The following DISP1 variants were observed in gnomAD, a reference collection of about 807,000 sequenced individuals.
The protein encoded by DISP1 is protein dispatched homolog 1.
DISP1 carries 30 observed loss-of-function variants against 37.3 expected under a neutral mutation model. That is an observed-to-expected ratio of 0.80 (90% CI 0.60 to 1.09). DISP1 has a LOEUF of 1.09. Ranked by LOEUF, DISP1 falls within the 50% of genes least tolerant of loss-of-function variation. DISP1 has a pLI of 0.00. For synonymous variants in DISP1, 634 were observed against 690.2 expected, an observed-to-expected ratio of 0.92 and a Z score of 1.28; for missense variants, 1,598 against 1,879.5, an observed-to-expected ratio of 0.85 and a Z score of 2.77.
In DISP1 at chr1:223,002,540, G is replaced by A; in HGVS notation, c.1143G>A (p.Leu381=). Residue 381 remains leucine (L), a synonymous_variant, in exon 9 of 9, where the codon CTG becomes CTA. Transcript: ENST00000675850. ...GAGACGTTTCTCATACCTTGAAGCTGCTTCGGACTTGTGCCAAACACTACC... is the reference window on the plus strand; with the variant it reads ...GAGACGTTTCTCATACCTTGAAGCTACTTCGGACTTGTGCCAAACACTACC... ...VERDVSHTLK[L]LRTCAKHYQN... is the part of the protein sequence containing the mutation. 1 of 1,614,176 alleles carries A rather than the reference G, an allele frequency of 6.2e-7. No homozygotes were observed. The highest frequency in any genetic ancestry group is 1.1e-5 in the South Asian group (1 of 91,084).
At chr1:222,924,909 G>C (rs1672997028) in intron 1 of DISP1, among the ~76,000 whole-genome samples, 1 of 152,062 alleles carries the variant, frequency 6.6e-6, no homozygotes, top group South Asian at 2.1e-4. Flanking sequence ...GCAGGCTCTA[G>C]TCTCTTTTTC....
In DISP1 at chr1:223,005,431, C is replaced by T. The variant is rs1156949331; in HGVS notation, c.4034C>T (p.Ala1345Val). Residue 1345 changes from alanine to valine, a missense_variant, in exon 9 of 9, where the codon GCC becomes GTC. Coordinates refer to ENST00000675850, the MANE Select transcript of DISP1 (RefSeq NM_001377229.1). ...CPCLQGRVKP[A>V]GMQNSLPRNF... ...TGCCTGCAGGGCAGAGTAAAGCCAG[C>T]CGGAATGCAGAATTCTCTGCCTAGG... The T allele has an allele frequency of 2.5e-6, 4 of 1,613,416 alleles. No individual in the cohort carries two copies. In the Admixed American group the frequency reaches 6.7e-5, roughly 27 times the overall value.
intron 1 of DISP1, among the ~76,000 whole-genome samples, chr1:222,821,468 T>C (rs1171768089): frequency 1.3e-5 from 2 of 152,202 alleles, no homozygotes; most frequent in East Asian, 3.8e-4. Flanking sequence ...TCTCGAATTG[T>C]AATCCCCATG....
chr1:222,995,741 A>G (rs1220555338), intron 8 of DISP1, among the ~76,000 whole-genome samples: 1 of 152,236 alleles, frequency 6.6e-6, no homozygotes, highest in African/African-American at 2.4e-5. Context: ...AAGCATAGCA[A>G]CCAGCATAAA....
chr1:222,989,587 T>C (rs1208959552), intron 4 of DISP1: 2 of 982,942 alleles, frequency 2.0e-6, no homozygotes, highest in Admixed American at 6.2e-5. Context: ...GATTTGGTAA[T>C]AGAGACAGTT....
chr1:222,959,746 A>T (rs576851013), intron 3 of DISP1, among the ~76,000 whole-genome samples: 3 of 150,966 alleles, frequency 2.0e-5, no homozygotes, highest in Admixed American at 6.6e-5. Context: ...AAGAAAAATT[A>T]TTGTTATAGG....
At chr1:222,947,812 A>G (rs1186893122) in intron 3 of DISP1, among the ~76,000 whole-genome samples, 1 of 152,164 alleles carries the variant, frequency 6.6e-6, no homozygotes, top group Non-Finnish European at 1.5e-5. Context: ...AGGAAATTTC[A>G]TCGTTTGCAT....
Position 222,943,186 on chromosome 1 carries a change from C to T in DISP1, c.363C>T (p.Ser121=), listed in dbSNP as rs528918517. 32 of 1,610,356 alleles carry T rather than the reference C, an allele frequency of 2.0e-5. No homozygotes were observed. Among genetic ancestry groups the T allele is most frequent in the South Asian group, 1.4e-4 (13 of 90,970 alleles). The change falls in exon 3 of 9, where the codon TCC becomes TCT. Residue 121 remains serine (S), a synonymous_variant. Coordinates refer to ENST00000675850, the MANE Select transcript of DISP1 (RefSeq NM_001377229.1). ...ALASCCMQPH[S]EYSASLCPNH... is the part of the protein sequence containing the mutation. The stretch of plus-strand genomic sequence containing the variant: ...CCTCGTGTTGCATGCAGCCACACTC[C>T]GAGTATTCTGCATCTCTTTGTCCAA...
chr1:222,886,214 G>A (rs754989529), intron 1 of DISP1, among the ~76,000 whole-genome samples: 1 of 152,176 alleles, frequency 6.6e-6, no homozygotes, highest in African/African-American at 2.4e-5. Context: ...GGCAAAGAGA[G>A]GTAGGCTATA....
At chr1:222,931,482 A>ATTTT (rs1171636829) in intron 2 of DISP1, among the ~76,000 whole-genome samples, 1 of 151,922 alleles carries the variant, frequency 6.6e-6, no homozygotes, top group Non-Finnish European at 1.5e-5. Context: ...CCATTTTGTG[A>ATTTT]TTTTAGTTGA....
chr1:222,996,041 C>G (rs1011870824), intron 8 of DISP1, among the ~76,000 whole-genome samples: 3 of 152,174 alleles, frequency 2.0e-5, no homozygotes, highest in African/African-American at 7.2e-5. Flanking sequence ...TTCTAAGAGG[C>G]TGTTTGTACA....
intron 4 of DISP1, among the ~76,000 whole-genome samples, chr1:222,988,740 G>A (rs1158209805): frequency 6.8e-6 from 1 of 146,336 alleles, no homozygotes; most frequent in Non-Finnish European, 1.5e-5. Context: ...TGCAACCTCC[G>A]CCTCCTGGGT....
chr1:222,929,186 T>C (rs1181139972), intron 2 of DISP1, among the ~76,000 whole-genome samples: 1 of 152,114 alleles, frequency 6.6e-6, no homozygotes, highest in Non-Finnish European at 1.5e-5. Context: ...TTTAAATGTT[T>C]CATGCATTAC....
At chr1:222,957,311 G>A (rs1675680201) in intron 3 of DISP1, among the ~76,000 whole-genome samples, 2 of 152,088 alleles carry the variant, frequency 1.3e-5, no homozygotes, top group South Asian at 4.1e-4. Context: ...TTCCCAGGCC[G>A]GGCACAGTGG....
intron 1 of DISP1, among the ~76,000 whole-genome samples, chr1:222,861,958 C>T (rs1271227282): frequency 6.6e-6 from 1 of 152,090 alleles, no homozygotes; most frequent in Non-Finnish European, 1.5e-5. Context: ...ATTTTTCTCA[C>T]GAAGACATTG....
At chr1:222,933,487 C>T (rs116434387) in intron 2 of DISP1, among the ~76,000 whole-genome samples, 2,035 of 151,968 alleles carry the variant, frequency 0.013, 19 homozygotes, top group Non-Finnish European at 0.022. Flanking sequence ...TTCATATTTC[C>T]TGGAACTCAG....
chr1:222,836,904 A>G (rs931841712), intron 1 of DISP1: 17 of 393,778 alleles, frequency 4.3e-5, no homozygotes, highest in Non-Finnish European at 6.3e-5. Context: ...CTGATTTTCA[A>G]TTTTCTTATC....
intron 1 of DISP1, among the ~76,000 whole-genome samples, chr1:222,916,182 T>C (rs1672485085): frequency 6.6e-6 from 1 of 152,210 alleles, no homozygotes; most frequent in Non-Finnish European, 1.5e-5. Flanking sequence ...CTGCTACAGG[T>C]TTTATCTAGC....
intron 1 of DISP1, among the ~76,000 whole-genome samples, chr1:222,917,834 A>C (rs1195314530): frequency 6.6e-6 from 1 of 151,930 alleles, no homozygotes; most frequent in Non-Finnish European, 1.5e-5. Context: ...AGATATGGGA[A>C]CTGAGCTTCA....
Sources: gnomAD v4.1 joint callset for allele counts (sites outside exome capture counted in the v4.1 genomes callset) on GRCh38, gnomAD v4.1.1 for gene constraint, MANE v1.5 for transcripts, NCBI Gene and HGNC (gene_info 2026-07-23, HGNC 2026-07-21) for gene names.